MALRD1: variants seen among roughly 807,000 people sequenced by gnomAD.
The protein encoded by MALRD1 is MAM and LDL-receptor class A domain-containing protein 1.
Under a neutral mutation model 242.1 loss-of-function variants are expected in MALRD1, and 247 were observed. The observed-to-expected ratio is 1.02, with a 90% CI of 0.92 to 1.13. The LOEUF (loss-of-function observed/expected upper bound fraction) is 1.13. Among genes scored for constraint, MALRD1 ranks in the 50% most tolerant of loss-of-function variants. MALRD1 has a pLI of 0.00. For missense variants in MALRD1, 2,989 were observed against 2,533.1 expected (o/e 1.18, Z -3.86); for synonymous variants, 995 against 866.6 (o/e 1.15, Z -2.60).
intron 19 of MALRD1, among the ~76,000 whole-genome samples, chr10:19,265,387 C>T (rs1446086817): frequency 6.6e-6 from 1 of 151,940 alleles, no homozygotes; most frequent in Non-Finnish European, 1.5e-5. Flanking sequence ...CCTCTTAGAA[C>T]TGCTATTGCT....
At chr10:19,198,414 A>C (rs1836362301) in intron 14 of MALRD1, among the ~76,000 whole-genome samples, 1 of 152,232 alleles carries the variant, frequency 6.6e-6, no homozygotes, top group African/African-American at 2.4e-5. Context: ...GCCTAAACTT[A>C]TGGAACTAAA....
At position 19,533,682 on chromosome 10, in the gene MALRD1, C is replaced by G. The variant is rs181782553; in HGVS notation, c.5478+2331C>G. ...GGAGGTGCTAACACTTTTAAATGAC[C>G]AGATATCATGAGAACTCACTCATTA... On this transcript the variant is annotated intron_variant, in intron 32 of 39. Coordinates refer to ENST00000454679, the MANE Select transcript of MALRD1 (RefSeq NM_001142308.3). Among the ~76,000 whole-genome samples the G allele has an allele frequency of 2.2e-3, 329 of 152,160 alleles. 2 individuals carry two copies. The highest frequency in any genetic ancestry group is 4.2e-3 in the South Asian group (20 of 4,814).
At chr10:19,608,296 G>A (rs1043352487) in intron 35 of MALRD1, among the ~76,000 whole-genome samples, 3 of 151,860 alleles carry the variant, frequency 2.0e-5, no homozygotes, top group African/African-American at 7.3e-5. Context: ...TTCTTTATAA[G>A]AGTTTTCTAT....
intron 30 of MALRD1, among the ~76,000 whole-genome samples, chr10:19,497,837 G>T (rs977713154): frequency 2.0e-5 from 3 of 152,108 alleles, no homozygotes; most frequent in African/African-American, 4.8e-5. Flanking sequence ...CTAGATCAGG[G>T]TATCATGATG....
intron 21 of MALRD1, among the ~76,000 whole-genome samples, chr10:19,301,330 TA>T (rs1365127932): frequency 2.0e-5 from 3 of 151,820 alleles, no homozygotes; most frequent in Non-Finnish European, 2.9e-5. Context: ...AAAGCAGAAT[TA>T]CCATTCAATC....
chr10:19,645,530 G>C (rs1015934252), intron 36 of MALRD1, among the ~76,000 whole-genome samples: 15 of 152,138 alleles, frequency 9.9e-5, no homozygotes, highest in African/African-American at 3.6e-4. Context: ...CATACACACT[G>C]TGGAATACTA....
intron 30 of MALRD1, among the ~76,000 whole-genome samples, chr10:19,495,694 CATG>C (rs1322360579): frequency 6.6e-6 from 1 of 152,084 alleles, no homozygotes; most frequent in African/African-American, 2.4e-5. Context: ...CAGCTAATGA[CATG>C]ATGACAGGAT....
At chr10:19,499,655 CA>C (rs939776697) in intron 31 of MALRD1, among the ~76,000 whole-genome samples, 14 of 152,130 alleles carry the variant, frequency 9.2e-5, no homozygotes, top group African/African-American at 3.4e-4. Flanking sequence ...TTCTGTTTCT[CA>C]GGAGAACCCT....
At chr10:19,246,568 C>T (rs966812683) in intron 18 of MALRD1, among the ~76,000 whole-genome samples, 6 of 152,206 alleles carry the variant, frequency 3.9e-5, no homozygotes, top group Admixed American at 3.9e-4. Context: ...AACTCATCCT[C>T]TTAAATAGGA....
At chr10:19,664,814 C>T (rs1297533797) in intron 36 of MALRD1, among the ~76,000 whole-genome samples, 4 of 152,082 alleles carry the variant, frequency 2.6e-5, no homozygotes, top group Admixed American at 1.3e-4. Flanking sequence ...TGGGATCATA[C>T]AGTTTGTTAA....
intron 18 of MALRD1, among the ~76,000 whole-genome samples, chr10:19,210,671 C>G (rs976978824): frequency 2.0e-5 from 3 of 148,868 alleles, no homozygotes; most frequent in Non-Finnish European, 4.4e-5. Flanking sequence ...GTTTTGTAAC[C>G]AAAAACTTAG....
chr10:19,609,604 C>T (rs1024492358), intron 35 of MALRD1, among the ~76,000 whole-genome samples: 1 of 152,014 alleles, frequency 6.6e-6, no homozygotes, highest in African/African-American at 2.4e-5. Flanking sequence ...AGGTTTAAGT[C>T]ATAAACAAGA....
At chr10:19,268,520 G>C (rs1840059804) in intron 19 of MALRD1, among the ~76,000 whole-genome samples, 1 of 152,044 alleles carries the variant, frequency 6.6e-6, no homozygotes, top group Non-Finnish European at 1.5e-5. Flanking sequence ...GACTGTTTAA[G>C]CTTCAAATAC....
intron 12 of MALRD1, among the ~76,000 whole-genome samples, chr10:19,163,606 G>T (rs1014594536): frequency 6.6e-6 from 1 of 152,076 alleles, no homozygotes; most frequent in African/African-American, 2.4e-5. Context: ...CCCGTGACAC[G>T]TGTTTGCCTA....
intron 34 of MALRD1, among the ~76,000 whole-genome samples, chr10:19,596,914 A>G (rs1838127841): frequency 6.6e-6 from 1 of 152,004 alleles, no homozygotes; most frequent in African/African-American, 2.4e-5. Flanking sequence ...AGATGGAAGG[A>G]AGAAAGCAAG....
At chr10:19,302,076 A>G (rs1841975152) in intron 21 of MALRD1, among the ~76,000 whole-genome samples, 1 of 151,832 alleles carries the variant, frequency 6.6e-6, no homozygotes, top group African/African-American at 2.4e-5. Flanking sequence ...CTTCACATCC[A>G]CTAGGATGGC....
intron 27 of MALRD1, 25 bp from the exon 28 acceptor site, chr10:19,389,427 C>T (rs546164023): frequency 3.1e-4 from 483 of 1,547,214 alleles, no homozygotes; most frequent in East Asian, 4.4e-4. Flanking sequence ...TTTCGTTCTT[C>T]TCTGAATTCT....
intron 38 of MALRD1, among the ~76,000 whole-genome samples, chr10:19,700,017 T>C (rs1833550856): frequency 7.8e-6 from 1 of 128,242 alleles, no homozygotes; most frequent in South Asian, 2.5e-4. Flanking sequence ...GTGAAATTGA[T>C]TTAGACACAC....
chr10:19,721,007 T>TTTTCTGG (rs1448932363), intron 38 of MALRD1, among the ~76,000 whole-genome samples: 3,434 of 151,914 alleles, frequency 0.023, 121 homozygotes, highest in African/African-American at 0.078. Context: ...TTTCCTTAGG[T>TTTTCTGG]TATAAAGCCA....
Sources: allele counts gnomAD v4.1 joint callset (sites outside exome capture counted in the v4.1 genomes callset), GRCh38; gene constraint gnomAD v4.1.1; transcripts MANE v1.5; gene names NCBI Gene and HGNC (gene_info 2026-07-23, HGNC 2026-07-21).